The following MCEMP1 variants were observed in gnomAD, a reference collection of about 807,000 sequenced individuals.
MCEMP1 encodes mast cell-expressed membrane protein 1.
MCEMP1 carries 17 observed loss-of-function variants against 27.9 expected under a neutral mutation model. The observed-to-expected ratio is 0.61, with a 90% confidence interval of 0.42 to 0.91. The LOEUF (loss-of-function observed/expected upper bound fraction) is 0.91, where lower values mean the gene tolerates loss of function less well. Among genes scored for constraint, MCEMP1 ranks in the 40% least tolerant of loss-of-function variants. The pLI is 0.00. For missense variants in MCEMP1, 200 were observed against 204.8 expected (o/e 0.98, Z 0.14); for synonymous variants, 88 against 76.9 (o/e 1.14, Z -0.76).
chr19:7,677,976 C>T lies in MCEMP1; in HGVS notation c.146-128C>T. 7.2e-7 allele frequency: 1 copy of T among 1,389,506 alleles called. No homozygotes were observed. Among genetic ancestry groups the T allele is most frequent in the Non-Finnish European group, 9.7e-7 (1 of 1,027,128 alleles). The allele number at this position is 1,389,506 out of a possible 1,614,324, so 86.1% of individuals were successfully genotyped here. A position where few individuals can be genotyped will look rare whatever the true frequency, so the allele number is the denominator to read the frequency against. On this transcript the variant is annotated intron_variant, in intron 2 of 6. Transcript: ENST00000333598. The surrounding 1 kb of genome is among the most constrained non-coding windows in gnomAD (Gnocchi z 4.6). ...GTGGCAGTGTTGTTGACGATGATGA[C>T]AAGCTGCATGACCACAGCTGCTGAT...
At position 7,677,955 on chromosome 19, in the gene MCEMP1, C is replaced by T. The variant is rs149322065; in HGVS notation, c.146-149C>T. ...GATCGCTGAGGGTGGCTGGTGGTGGCAGTGTTGTTGACGATGATGACAAGC... is the reference window on the plus strand; with the variant it reads ...GATCGCTGAGGGTGGCTGGTGGTGGTAGTGTTGTTGACGATGATGACAAGC... On this transcript the variant is annotated intron_variant, in intron 2 of 6. Transcript: ENST00000333598. The surrounding 1 kb of genome is among the most constrained non-coding windows in gnomAD (Gnocchi z 4.6). 2,321 of 1,259,090 alleles carry T rather than the reference C, an allele frequency of 1.8e-3. 8 individuals are homozygous for T. Among genetic ancestry groups the T allele is most frequent in the Non-Finnish European group, 2.0e-3 (1,789 of 908,768 alleles). 78.0% of individuals were successfully genotyped at this position (1,259,090 alleles called of 1,614,324 possible). A position where few individuals can be genotyped will look rare whatever the true frequency, so the allele number is the denominator to read the frequency against.
At position 7,678,476 on chromosome 19, in the gene MCEMP1, G is replaced by A. The variant is rs1313164265; in HGVS notation, c.335-15G>A. 1 of 1,613,612 alleles carries A rather than the reference G, an allele frequency of 6.2e-7. No individual in the cohort carries two copies. Among genetic ancestry groups the A allele is most frequent in the African/African-American group, 1.3e-5 (1 of 74,886 alleles). On this transcript the variant is annotated splice_polypyrimidine_tract_variant and intron_variant, in intron 4 of 6. Transcript: ENST00000333598. The surrounding 1 kb of genome is among the most constrained non-coding windows in gnomAD (Gnocchi z 4.8). ...GAGGGATGGATGCACAGACACCCCT[G>A]TTTCATGCCCTCAGTCTCAAACTCC...
At position 7,678,903 on chromosome 19, in the gene MCEMP1, C is replaced by G; in HGVS notation, c.449-21C>G. On this transcript the variant is annotated intron_variant, in intron 5 of 6. Transcript: ENST00000333598. This position sits in a 1 kb window ranked among gnomAD's most constrained non-coding sequence, Gnocchi z 4.8. ...CGCAGCTTGACTTATCTGTTCCCAC[C>G]CAACCCTCCCCGCCCCCTAGGCATA... 8.0e-7 allele frequency: 1 copy of G among 1,248,298 alleles called. No individual in the cohort carries two copies. Among genetic ancestry groups the G allele is most frequent in the Non-Finnish European group, 1.1e-6 (1 of 869,724 alleles). 77.3% of individuals were successfully genotyped at this position (1,248,298 alleles called of 1,614,324 possible).
chr19:7,677,134 C>G lies in MCEMP1; in HGVS notation c.14C>G (p.Ala5Gly), dbSNP rs1224213015. 3 of 1,599,686 alleles carry G rather than the reference C, an allele frequency of 1.9e-6. No homozygotes were observed. The highest frequency in any genetic ancestry group is 4.5e-5 in the East Asian group (2 of 44,102). Residue 5 changes from alanine to glycine, a missense_variant, in exon 1 of 7, where the codon GCC becomes GGC. Ala to Gly is a moderately conservative substitution (Grantham distance 60, BLOSUM62 0). Transcript: ENST00000333598. The surrounding 1 kb of genome is among the most constrained non-coding windows in gnomAD (Gnocchi z 4.6). The stretch of plus-strand genomic sequence containing the variant: ...CAGGAAGTCAAGATGCAAGCACCAG[C>G]CTTCAGGGACAAGAAACAGGGGGTC... MQAPAFRDKKQGVSA... is the reference protein window; with the variant it reads MQAPGFRDKKQGVSA...
rs576173771 is a variant in MCEMP1 at position 7,678,670 on chromosome 19, C to G, written c.448+66C>G. The G allele has an allele frequency of 3.6e-3, 5,191 of 1,444,350 alleles. 28 individuals carry two copies. The highest frequency in any genetic ancestry group is 0.02 in the Middle Eastern group (113 of 5,784). 89.5% of individuals were successfully genotyped at this position (1,444,350 alleles called of 1,614,324 possible). On this transcript the variant is annotated intron_variant, in intron 5 of 6. Coordinates refer to ENST00000333598, the MANE Select transcript of MCEMP1 (RefSeq NM_174918.3). The surrounding 1 kb of genome is among the most constrained non-coding windows in gnomAD (Gnocchi z 4.8). ...CCAATGCCCGGAGCTGAGCTGGGGG[C>G]AGGGGATTCAGGGGAGGAGAAAGCC...
At position 7,678,831 on chromosome 19, in the gene MCEMP1, A is replaced by AGG. The variant is rs35765780; in HGVS notation, c.449-87_449-86dup. ...CTGTACCCCAGGGTGGGTGTGGGGC[A>AGG]GGGGGGGTGCTTCCAAGGAAGGTGG... On this transcript the variant is annotated intron_variant, in intron 5 of 6. Transcript: ENST00000333598. This position sits in a 1 kb window ranked among gnomAD's most constrained non-coding sequence, Gnocchi z 4.8. The AGG allele has an allele frequency of 4.6e-6, 6 of 1,305,106 alleles. No individual in the cohort carries two copies. The Admixed American group carries it at 1.1e-4, about 23-fold the overall frequency. The allele number at this position is 1,305,106 out of a possible 1,614,324, so 80.8% of individuals were successfully genotyped here. A position where few individuals can be genotyped will look rare whatever the true frequency, so the allele number is the denominator to read the frequency against.
At position 7,678,909 on chromosome 19, in the gene MCEMP1, C is replaced by G; in HGVS notation, c.449-15C>G. 7.0e-7 allele frequency: 1 copy of G among 1,422,962 alleles called. No individual in the cohort carries two copies. The highest frequency in any genetic ancestry group is 1.2e-5 in the South Asian group (1 of 82,308). The allele number at this position is 1,422,962 out of a possible 1,614,324, so 88.1% of individuals were successfully genotyped here. On this transcript the variant is annotated splice_polypyrimidine_tract_variant and intron_variant, in intron 5 of 6. Coordinates refer to ENST00000333598, the MANE Select transcript of MCEMP1 (RefSeq NM_174918.3). This position sits in a 1 kb window ranked among gnomAD's most constrained non-coding sequence, Gnocchi z 4.8. ...TTGACTTATCTGTTCCCACCCAACC[C>G]TCCCCGCCCCCTAGGCATAAAAAAC...
rs773891462 is a variant in MCEMP1 at position 7,678,495 on chromosome 19, A to G, written c.339A>G (p.Ser113=). ...ACCCCTGTTTCATGCCCTCAGTCTC[A>G]AACTCCGTACAAGCATGCGAAGAGA... ...LGFKRELWNV[S]NSVQACEERQ... Residue 113 remains serine (S), a synonymous_variant, in exon 5 of 7, where the codon TCA becomes TCG. Coordinates refer to ENST00000333598, the MANE Select transcript of MCEMP1 (RefSeq NM_174918.3). This position sits in a 1 kb window ranked among gnomAD's most constrained non-coding sequence, Gnocchi z 4.8. 1.2e-6 allele frequency: 2 copies of G among 1,614,096 alleles called. No homozygotes were observed. The highest frequency in any genetic ancestry group is 1.7e-6 in the Non-Finnish European group (2 of 1,179,992).
In MCEMP1 at chr19:7,679,242, A is replaced by T; in HGVS notation, c.*128A>T. ...TGCCCCTCGTCCCACGTATAGAAAA[A>T]CCTCGAGTCATGGTGAATGAGTGTC... On this transcript the variant is annotated 3_prime_UTR_variant, in exon 7 of 7. Transcript: ENST00000333598. This position sits in a 1 kb window ranked among gnomAD's most constrained non-coding sequence, Gnocchi z 4.9. The T allele has an allele frequency of 1.8e-6, 2 of 1,135,202 alleles. No homozygotes were observed. Among genetic ancestry groups the T allele is most frequent in the South Asian group, 3.6e-5 (2 of 55,366 alleles). 70.3% of individuals were successfully genotyped at this position (1,135,202 alleles called of 1,614,324 possible).
Position 7,678,229 on chromosome 19 carries a change from A to G in MCEMP1, c.271A>G (p.Ile91Val). 1 of 1,613,998 alleles carries G rather than the reference A, an allele frequency of 6.2e-7. No homozygotes were observed. Among genetic ancestry groups the G allele is most frequent in the East Asian group, 2.2e-5 (1 of 44,876 alleles). ...FVLCIILSAF[I>V]MVKNAEMSKE... ...CCTCTGCATCATCCTGTCAGCCTTC[A>G]TCATGGTGAAGAGTGAGTACTTCTT... Residue 91 changes from isoleucine (I) to valine (V), a missense_variant, in exon 3 of 7, where the codon ATC (isoleucine) becomes GTC (valine). Ile to Val is a conservative substitution (Grantham distance 29). Transcript: ENST00000333598. This position sits in a 1 kb window ranked among gnomAD's most constrained non-coding sequence, Gnocchi z 4.8.
At position 7,677,240 on chromosome 19, in the gene MCEMP1, C is replaced by T; in HGVS notation, c.55+65C>T. ...GAGATTGGGGGGCCGGGGGCTTTTG[C>T]TCATGTCTGTAATCCTAGCACTTTG... On this transcript the variant is annotated intron_variant, in intron 1 of 6. Transcript: ENST00000333598. The surrounding 1 kb of genome is among the most constrained non-coding windows in gnomAD (Gnocchi z 4.6). 2 of 1,417,778 alleles carry T rather than the reference C, an allele frequency of 1.4e-6. No individual in the cohort carries two copies. Among genetic ancestry groups the T allele is most frequent in the Non-Finnish European group, 1.9e-6 (2 of 1,027,366 alleles). 87.8% of individuals were successfully genotyped at this position (1,417,778 alleles called of 1,614,324 possible).
At position 7,677,781 on chromosome 19, in the gene MCEMP1, C is replaced by T. The variant is rs1048921239; in HGVS notation, c.145+55C>T. ...ATCACCTTGGGAAGGGGCAGGTGGG[C>T]GGGCAACTGCAGGGCCCCCGGGGCT... On this transcript the variant is annotated intron_variant, in intron 2 of 6. Transcript: ENST00000333598. This position sits in a 1 kb window ranked among gnomAD's most constrained non-coding sequence, Gnocchi z 4.6. The T allele has an allele frequency of 2.1e-5, 31 of 1,476,916 alleles. No individual in the cohort carries two copies. Among genetic ancestry groups the T allele is most frequent in the Admixed American group, 6.6e-5 (3 of 45,450 alleles). 91.5% of individuals were successfully genotyped at this position (1,476,916 alleles called of 1,614,324 possible). A position where few individuals can be genotyped will look rare whatever the true frequency, so the allele number is the denominator to read the frequency against.
Position 7,678,616 on chromosome 19 carries a change from G to A in MCEMP1, c.448+12G>A, listed in dbSNP as rs764265206. ...GACGACATTAGCAGGTGCCTGTGTA[G>A]TCTCGCCTTCTATGGGGGTTATTTG... On this transcript the variant is annotated intron_variant, in intron 5 of 6. Coordinates refer to ENST00000333598, the MANE Select transcript of MCEMP1 (RefSeq NM_174918.3). This position sits in a 1 kb window ranked among gnomAD's most constrained non-coding sequence, Gnocchi z 4.8. 1.9e-6 allele frequency: 3 copies of A among 1,603,148 alleles called. No individual in the cohort carries two copies. The South Asian group carries it at 3.3e-5, about 18-fold the overall frequency.
rs1599423301 is a variant in MCEMP1, at chr19:7,679,511, A to C, written c.*397A>C. ...TCACGGTGGGTGGCTGTGTCTGAGC[A>C]CCTCCAGCAGATGTCACTCTGAGTG... is the stretch of plus-strand genomic sequence containing the variant. On this transcript the variant is annotated 3_prime_UTR_variant, in exon 7 of 7. Coordinates refer to ENST00000333598, the MANE Select transcript of MCEMP1 (RefSeq NM_174918.3). This position sits in a 1 kb window ranked among gnomAD's most constrained non-coding sequence, Gnocchi z 4.9. The C allele has an allele frequency of 4.5e-6, 1 of 221,210 alleles. No individual in the cohort carries two copies. The highest frequency in any genetic ancestry group is 8.9e-6 in the Non-Finnish European group (1 of 112,454). The allele number at this position is 221,210 out of a possible 1,614,324, so 13.7% of individuals were successfully genotyped here.
Position 7,677,130 on chromosome 19 carries a change from C to A in MCEMP1, c.10C>A (p.Pro4Thr), listed in dbSNP as rs1277751703. 6.2e-7 allele frequency: 1 copy of A among 1,600,354 alleles called. No homozygotes were observed. Among genetic ancestry groups the A allele is most frequent in the South Asian group, 1.1e-5 (1 of 88,870 alleles). Reference protein sequence around the residue: MQAPAFRDKKQGVS... With the variant: MQATAFRDKKQGVS... Reference sequence around the variant, plus strand: ...GCACCAGGAAGTCAAGATGCAAGCACCAGCCTTCAGGGACAAGAAACAGGG... The same window carrying A: ...GCACCAGGAAGTCAAGATGCAAGCAACAGCCTTCAGGGACAAGAAACAGGG... The change falls in exon 1 of 7, where the codon CCA becomes ACA. Residue 4 changes from proline (P) to threonine (T), a missense_variant. By Grantham distance (38) the Pro-to-Thr change is conservative (BLOSUM62 -1). Transcript: ENST00000333598. This position sits in a 1 kb window ranked among gnomAD's most constrained non-coding sequence, Gnocchi z 4.6.
At position 7,678,567 on chromosome 19, in the gene MCEMP1, C is replaced by T. The variant is rs771654814; in HGVS notation, c.411C>T (p.Val137=). 6.2e-7 allele frequency: 1 copy of T among 1,614,070 alleles called. No homozygotes were observed. The highest frequency in any genetic ancestry group is 8.5e-7 in the Non-Finnish European group (1 of 1,180,012). ...CCGTTCAGCAGAGCATCACCATGGT[C>T]AGGAGCAAGATTGATAGATTAGAGA... is the stretch of plus-strand genomic sequence containing the variant. ...WDSVQQSITM[V]RSKIDRLETT... The change falls in exon 5 of 7, where the codon GTC becomes GTT. Residue 137 remains valine (V), a synonymous_variant. Transcript: ENST00000333598. This position sits in a 1 kb window ranked among gnomAD's most constrained non-coding sequence, Gnocchi z 4.8.
chr19:7,678,835 G>A lies in MCEMP1; in HGVS notation c.449-89G>A. 3.0e-6 allele frequency: 4 copies of A among 1,347,018 alleles called. No homozygotes were observed. Among genetic ancestry groups the A allele is most frequent in the Non-Finnish European group, 4.1e-6 (4 of 976,702 alleles). 83.4% of individuals were successfully genotyped at this position (1,347,018 alleles called of 1,614,324 possible). On this transcript the variant is annotated intron_variant, in intron 5 of 6. Transcript: ENST00000333598. The surrounding 1 kb of genome is among the most constrained non-coding windows in gnomAD (Gnocchi z 4.8). ...ACCCCAGGGTGGGTGTGGGGCAGGG[G>A]GGGTGCTTCCAAGGAAGGTGGGGGC... is the stretch of plus-strand genomic sequence containing the variant.
In MCEMP1 at chr19:7,677,915, A is replaced by G; in HGVS notation, c.145+189A>G. The G allele has an allele frequency of 9.3e-7, 1 of 1,071,686 alleles. No homozygotes were observed. 66.4% of individuals were successfully genotyped at this position (1,071,686 alleles called of 1,614,324 possible). On this transcript the variant is annotated intron_variant, in intron 2 of 6. Transcript: ENST00000333598. The surrounding 1 kb of genome is among the most constrained non-coding windows in gnomAD (Gnocchi z 4.6). ...GGGAATGCTGGAGAGGGGGTCTGTGATGGTGACGGTGTTAGATCGCTGAGG... is the reference window on the plus strand; with the variant it reads ...GGGAATGCTGGAGAGGGGGTCTGTGGTGGTGACGGTGTTAGATCGCTGAGG...
Position 7,678,051 on chromosome 19 carries a change from T to C in MCEMP1, c.146-53T>C, listed in dbSNP as rs368504053. On this transcript the variant is annotated intron_variant, in intron 2 of 6. Transcript: ENST00000333598. This position sits in a 1 kb window ranked among gnomAD's most constrained non-coding sequence, Gnocchi z 4.8. ...ATGGTGTTAGAGACAGTGAGGATGG[T>C]TTGAGTGGTGGTGCTGGCCCCTCAA... is the stretch of plus-strand genomic sequence containing the variant. The C allele has an allele frequency of 1.7e-4, 259 of 1,541,040 alleles. No individual in the cohort carries two copies. In the Middle Eastern group the frequency reaches 6.0e-3, roughly 36 times the overall value.
Sources: allele counts gnomAD v4.1 joint callset, GRCh38; gene constraint gnomAD v4.1.1; non-coding constraint Gnocchi (gnomAD v3.1); transcripts MANE v1.5; gene names NCBI Gene and HGNC (gene_info 2026-07-23, HGNC 2026-07-21).